The following PTPDC1 variants were observed in gnomAD, a reference collection of about 807,000 sequenced individuals.
PTPDC1 encodes protein tyrosine phosphatase domain containing 1.
PTPDC1 carries 53 observed loss-of-function variants against 75.3 expected under a neutral mutation model. That is an observed-to-expected ratio of 0.70 (90% CI 0.56 to 0.88). PTPDC1 has a LOEUF of 0.88. Among genes scored for constraint, PTPDC1 ranks in the 40% least tolerant of loss-of-function variants. The pLI, the probability that PTPDC1 is intolerant of heterozygous loss-of-function variation, is 0.00. For missense variants in PTPDC1, 925 were observed against 998.6 expected (o/e 0.93, Z 0.99); for synonymous variants, 349 against 366.2 (o/e 0.95, Z 0.54).
rs1827948881 is a variant in PTPDC1, at chr9:94,104,447, G to A, written c.2310+62G>A. On this transcript the variant is annotated intron_variant, in intron 8 of 8. Transcript: ENST00000620992. ...AGATCAGCATCATCTTTGTAAATCA[G>A]AATCCAGAGGTCACCGTCCTCCTCT... 22 of 1,078,202 alleles carry A rather than the reference G, an allele frequency of 2.0e-5. No individual in the cohort carries two copies. In the South Asian group the frequency reaches 2.8e-4, roughly 14 times the overall value. 66.8% of individuals were successfully genotyped at this position (1,078,202 alleles called of 1,614,324 possible).
At chr9:94,057,255 T>A (rs1164005692) in intron 1 of PTPDC1, among the ~76,000 whole-genome samples, 1 of 151,970 alleles carries the variant, frequency 6.6e-6, no homozygotes, top group Non-Finnish European at 1.5e-5. Context: ...ATTTTTTTTT[T>A]AATTTGTTTG....
intron 5 of PTPDC1, 47 bp from the exon 6 acceptor site, chr9:94,097,274 A>C: frequency 8.1e-7 from 1 of 1,229,374 alleles, no homozygotes; most frequent in African/African-American, 1.5e-5. Flanking sequence ...AAAATAAATA[A>C]AAATGTAAGC....
At chr9:94,072,736 T>C (rs1178261623) in intron 2 of PTPDC1, among the ~76,000 whole-genome samples, 1 of 152,200 alleles carries the variant, frequency 6.6e-6, no homozygotes, top group Non-Finnish European at 1.5e-5. Context: ...TGAGTCAGTG[T>C]TGAATTTTTT....
intron 1 of PTPDC1, among the ~76,000 whole-genome samples, chr9:94,039,258 AT>A (rs1349172689): frequency 2.0e-5 from 3 of 152,084 alleles, no homozygotes; most frequent in Non-Finnish European, 4.4e-5. Context: ...GAAATACTCA[AT>A]TTTTTTATTC....
rs71511684 is a variant in PTPDC1, at chr9:94,044,726, C to CTTTTT, written c.-7+13606_-7+13610dup. On this transcript the variant is annotated intron_variant, in intron 1 of 9. Transcript: ENST00000375360. The stretch of plus-strand genomic sequence containing the variant: ...TTCTTTCCAATCTGCATACCTTTCT[C>CTTTTT]TTTTTTTTTTTGTCTTATTACACTT... Among the ~76,000 whole-genome samples, 247 of 147,380 alleles carry CTTTTT rather than the reference C, an allele frequency of 1.7e-3. 5 individuals are homozygous for CTTTTT. The highest frequency in any genetic ancestry group is 0.014 in the Admixed American group (209 of 14,836).
At chr9:94,069,635 C>T (rs1826442565) in intron 2 of PTPDC1, among the ~76,000 whole-genome samples, 2 of 151,114 alleles carry the variant, frequency 1.3e-5, no homozygotes, top group Non-Finnish European at 2.9e-5. Context: ...ATTCTCCTGC[C>T]TCAGCCTCCC....
chr9:94,083,304 T>A (rs1188146749), upstream of PTPDC1, among the ~76,000 whole-genome samples: 20 of 152,106 alleles, frequency 1.3e-4, no homozygotes, highest in Admixed American at 1.3e-3. Context: ...ATGGCTGCAT[T>A]CTAAATAACA....
chr9:94,074,035 A>G (rs1006111653), intron 2 of PTPDC1, among the ~76,000 whole-genome samples: 1 of 152,162 alleles, frequency 6.6e-6, no homozygotes, highest in South Asian at 2.1e-4. Flanking sequence ...TCAGCATATC[A>G]TTTATCTCCA....
At chr9:94,094,339 CG>C (rs1827450025) in intron 4 of PTPDC1, among the ~76,000 whole-genome samples, 1 of 110,768 alleles carries the variant, frequency 9.0e-6, no homozygotes, top group African/African-American at 4.8e-5. Flanking sequence ...AATACCCTGC[CG>C]TGTGAGGTGT....
intron 7 of PTPDC1, among the ~76,000 whole-genome samples, chr9:94,103,224 T>C (rs375146979): frequency 6.6e-6 from 1 of 152,228 alleles, no homozygotes; most frequent in African/African-American, 2.4e-5. Flanking sequence ...TTCTCAGCAA[T>C]TAAATCACAG....
At chr9:94,101,945 A>G (rs10122334) in intron 7 of PTPDC1, among the ~76,000 whole-genome samples, 194 bp downstream of exon 7, 100,499 of 152,094 alleles carry the variant, frequency 0.66, 35,210 homozygotes, top group African/African-American at 0.9. Flanking sequence ...AATAAAAACG[A>G]GAACTATCCA....
chr9:94,100,381 A>G (rs946109238), intron 6 of PTPDC1: 5 of 152,340 alleles, frequency 3.3e-5, no homozygotes, highest in Admixed American at 3.3e-4. Context: ...TGTCTCCTTC[A>G]TAAGATTGAA....
At position 94,098,084 on chromosome 9, in the gene PTPDC1, A is replaced by T; in HGVS notation, c.1518A>T (p.Thr506=). Residue 506 remains threonine (T), a synonymous_variant, in exon 6 of 9, where the codon ACA becomes ACT. Coordinates refer to ENST00000620992, the MANE Select transcript of PTPDC1 (RefSeq NM_001253829.2). The part of the protein sequence containing the change: ...DLHKEALVRS[T]LSFWSQSKFG... ...ACAAGGAAGCCTTGGTTCGCAGCAC[A>T]CTTTCTTTCTGGAGTCAGTCAAAGT... 1.2e-6 allele frequency: 2 copies of T among 1,614,200 alleles called. No homozygotes were observed. Among genetic ancestry groups the T allele is most frequent in the Non-Finnish European group, 8.5e-7 (1 of 1,180,030 alleles).
chr9:94,052,158 G>A lies in PTPDC1; in HGVS notation c.-6-12576G>A, dbSNP rs1490335540. On this transcript the variant is annotated intron_variant, in intron 1 of 9. Transcript: ENST00000375360. The stretch of plus-strand genomic sequence containing the variant: ...TAAGTACATTCACATTGTTGTGCAA[G>A]ATATATATATACTTTAACTTTTACT... 2.0e-5 allele frequency among the ~76,000 whole-genome samples: 3 copies of A among 151,970 alleles called. No homozygotes were observed. In the East Asian group the frequency reaches 5.8e-4, roughly 29 times the overall value.
rs1827523329 is a variant in PTPDC1, at chr9:94,095,368, C to T, written c.668C>T (p.Thr223Ile). The stretch of plus-strand genomic sequence containing the variant: ...GATTATGGTGTAGCGTCTCTTACTA[C>T]TATCCTAGATATGGTGAAGGTGATG... Reference protein sequence around the residue: ...WKDYGVASLTTILDMVKVMTF... With the variant: ...WKDYGVASLTIILDMVKVMTF... Residue 223 changes from threonine to isoleucine, a missense_variant, in exon 5 of 9, where the codon ACT becomes ATT. Transcript: ENST00000620992. 1 of 1,612,282 alleles carries T rather than the reference C, an allele frequency of 6.2e-7. No individual in the cohort carries two copies. The highest frequency in any genetic ancestry group is 8.5e-7 in the Non-Finnish European group (1 of 1,178,358).
intron 2 of PTPDC1, among the ~76,000 whole-genome samples, chr9:94,085,998 G>A (rs1827062094): frequency 1.3e-5 from 2 of 152,118 alleles, no homozygotes; most frequent in African/African-American, 4.8e-5. Flanking sequence ...CAGTAAACTA[G>A]TCAAATACAC....
Position 94,098,306 on chromosome 9 carries a change from G to A in PTPDC1, c.1740G>A (p.Gln580=), listed in dbSNP as rs1827694387. 1.9e-6 allele frequency: 3 copies of A among 1,614,242 alleles called. No homozygotes were observed. The highest frequency in any genetic ancestry group is 2.2e-5 in the East Asian group (1 of 44,886). The part of the protein sequence containing the change: ...NPAHQQVSHC[Q]CKTHGVGSPG... ...CTCACCAGCAAGTGTCTCACTGTCA[G>A]TGTAAAACTCATGGTGTTGGGAGCC... Residue 580 remains glutamine, a synonymous_variant, in exon 6 of 9, where the codon CAG becomes CAA. Coordinates refer to ENST00000620992, the MANE Select transcript of PTPDC1 (RefSeq NM_001253829.2).
At chr9:94,092,592 T>C (rs1200064875) in intron 4 of PTPDC1, among the ~76,000 whole-genome samples, 1 of 152,070 alleles carries the variant, frequency 6.6e-6, no homozygotes, top group Non-Finnish European at 1.5e-5. Flanking sequence ...TGTAGATGTC[T>C]ATTAGGTCTG....
At chr9:94,063,204 CAA>C (rs1238237791) in intron 1 of PTPDC1, among the ~76,000 whole-genome samples, 3 of 152,224 alleles carry the variant, frequency 2.0e-5, no homozygotes, top group Non-Finnish European at 4.4e-5. Flanking sequence ...TTCTTATATA[CAA>C]AATAGCCAGG....
Sources: allele counts gnomAD v4.1 joint callset (sites outside exome capture counted in the v4.1 genomes callset), GRCh38; gene constraint gnomAD v4.1.1; transcripts MANE v1.5; gene names NCBI Gene and HGNC (gene_info 2026-07-23, HGNC 2026-07-21).